Variants in NOC3L observed in about 807,000 individuals in gnomAD.
NOC3L encodes nucleolar complex protein 3 homolog.
In NOC3L, 85 loss-of-function variants were observed where a neutral mutation model predicts 102.5. The ratio of observed to expected loss-of-function variants is 0.83; its 90% confidence interval spans 0.70 to 0.99. The LOEUF (loss-of-function observed/expected upper bound fraction) is 0.99, where lower values mean the gene tolerates loss of function less well. Among genes scored for constraint, NOC3L ranks in the 50% least tolerant of loss-of-function variants. NOC3L has a pLI of 0.00. For missense variants in NOC3L, 878 were observed against 914.9 expected (o/e 0.96, Z 0.52); for synonymous variants, 303 against 309.4 (o/e 0.98, Z 0.22).
intron 5 of NOC3L, among the ~76,000 whole-genome samples, chr10:94,355,821 T>C (rs756914839): frequency 2.0e-5 from 3 of 152,160 alleles, no homozygotes; most frequent in Non-Finnish European, 2.9e-5. Context: ...ATATATTACT[T>C]TATACAAACT....
intron 20 of NOC3L, 127 bp downstream of exon 20, chr10:94,334,507 C>A: frequency 1.4e-6 from 1 of 711,394 alleles, no homozygotes; most frequent in Non-Finnish European, 2.3e-6. Context: ...AGAAATCCAT[C>A]CTATGATGAA....
In NOC3L at chr10:94,345,002, A is replaced by G. The variant is rs2054327328; in HGVS notation, c.1390-69T>C. 12 of 1,069,206 alleles carry G rather than the reference A, an allele frequency of 1.1e-5. No homozygotes were observed. In the South Asian group the frequency reaches 1.7e-4, roughly 16 times the overall value. 66.2% of individuals were successfully genotyped at this position (1,069,206 alleles called of 1,614,324 possible). ...AGAGTGAAAAAAGCAGAGGCAGAAT[A>G]CGTAAATGTCATAAAACACATACAG... On this transcript the variant is annotated intron_variant, in intron 11 of 20. Coordinates refer to ENST00000371361, the MANE Select transcript of NOC3L (RefSeq NM_022451.11).
intron 7 of NOC3L, among the ~76,000 whole-genome samples, chr10:94,352,647 C>A (rs2054433717): frequency 6.6e-6 from 1 of 152,046 alleles, no homozygotes; most frequent in South Asian, 2.1e-4. Flanking sequence ...CGTGGGGAAA[C>A]CCCGTCTCTA....
At chr10:94,355,425 TG>T (rs2054472167) in intron 5 of NOC3L, among the ~76,000 whole-genome samples, 1 of 151,692 alleles carries the variant, frequency 6.6e-6, no homozygotes, top group Non-Finnish European at 1.5e-5. Flanking sequence ...GGGTCTCACT[TG>T]GTCACCTAGG....
At chr10:94,345,925 C>T (rs576518369) in intron 11 of NOC3L, among the ~76,000 whole-genome samples, 9 of 152,014 alleles carry the variant, frequency 5.9e-5, no homozygotes, top group Non-Finnish European at 1.0e-4. Flanking sequence ...TTAACCTGCA[C>T]GATTACCCTG....
chr10:94,343,845 T>C (rs533298775), intron 13 of NOC3L, among the ~76,000 whole-genome samples: 2 of 152,334 alleles, frequency 1.3e-5, no homozygotes, highest in East Asian at 1.9e-4. Context: ...ATGTGGCTAA[T>C]AGAAAATTTT....
chr10:94,350,998 CTAT>C (rs1310152231), intron 8 of NOC3L, among the ~76,000 whole-genome samples: 1 of 151,682 alleles, frequency 6.6e-6, no homozygotes, highest in African/African-American at 2.4e-5. Context: ...ATATAATATA[CTAT>C]TAAAATTAAT....
At chr10:94,325,700 G>C in the NOC3L span, 1 of 152,124 alleles carries the variant, frequency 6.6e-6, no homozygotes, top group East Asian at 1.9e-4. Context: ...CTCCCAAGAA[G>C]TCAATCAACT....
At chr10:94,315,297 G>T in the NOC3L span, 1 of 419,228 alleles carries the variant, frequency 2.4e-6, no homozygotes, top group Non-Finnish European at 4.7e-6. Flanking sequence ...TTCGCTCTGG[G>T]CTTTGCCTTA....
chr10:94,326,932 G>A, the NOC3L span, among the ~76,000 whole-genome samples: 108 of 152,122 alleles, frequency 7.1e-4, no homozygotes, highest in Non-Finnish European at 1.1e-3. Context: ...AGGCCAAGGC[G>A]GGCAGATCAC....
chr10:94,346,167 TAAA>T (rs1413544346), intron 11 of NOC3L, among the ~76,000 whole-genome samples: 1 of 152,188 alleles, frequency 6.6e-6, no homozygotes, highest in Non-Finnish European at 1.5e-5. Context: ...TAAATTGATC[TAAA>T]AAGCCAAAGG....
At chr10:94,315,709 G>A in the NOC3L span, among the ~76,000 whole-genome samples, 1 of 148,834 alleles carries the variant, frequency 6.7e-6, no homozygotes, top group Non-Finnish European at 1.5e-5. Flanking sequence ...GGCGGAGGTT[G>A]CAGTGAGCCG....
chr10:94,345,446 A>G (rs1427911150), intron 11 of NOC3L, among the ~76,000 whole-genome samples: 2 of 152,140 alleles, frequency 1.3e-5, no homozygotes, highest in Non-Finnish European at 2.9e-5. Flanking sequence ...TCAATAAAAT[A>G]TCCTTTTTTT....
the NOC3L span, among the ~76,000 whole-genome samples, chr10:94,315,967 G>C: frequency 2.0e-5 from 3 of 151,928 alleles, no homozygotes; most frequent in African/African-American, 7.3e-5. Context: ...ATTAAAGGCA[G>C]ACCTCAGACT....
At chr10:94,350,716 C>CAAA (rs201167962) in intron 8 of NOC3L, among the ~76,000 whole-genome samples, 25 of 62,290 alleles carry the variant, frequency 4.0e-4, no homozygotes, top group South Asian at 1.1e-3. Flanking sequence ...GACATCGTCT[C>CAAA]AAAAAAAAAA....
At position 94,350,231 on chromosome 10, in the gene NOC3L, C is replaced by T. The variant is rs749860528; in HGVS notation, c.1010G>A (p.Gly337Glu). The change falls in exon 9 of 21, where the codon GGA becomes GAA. Residue 337 changes from glycine to glutamate, a missense_variant. Coordinates refer to ENST00000371361, the MANE Select transcript of NOC3L (RefSeq NM_022451.11). ...SNVVSLKAYKGLAEVAVKSLC... is the reference protein window; with the variant it reads ...SNVVSLKAYKELAEVAVKSLC... ...GCTCTTCACAGCGACTTCTGCCAGT[C>T]CTTTGTATGCCTTTAAGGAAACTAC... The T allele has an allele frequency of 2.5e-6, 4 of 1,614,176 alleles. No individual in the cohort carries two copies. Among genetic ancestry groups the T allele is most frequent in the South Asian group, 1.1e-5 (1 of 91,084 alleles).
chr10:94,352,939 G>A lies in NOC3L; in HGVS notation c.815C>T (p.Ser272Leu). The change falls in exon 7 of 21, where the codon TCA becomes TTA. Residue 272 changes from serine (S) to leucine (L), a missense_variant. Ser to Leu is a moderately radical substitution (Grantham distance 145). Transcript: ENST00000371361. ...TTCTGTGAGGGGCCGGATTTTATAT[G>A]AAGGAGTAATATCTTTAAATAACTC... ...LMELFKDITP[S>L]YKIRPLTEAE... 6.2e-7 allele frequency: 1 copy of A among 1,613,692 alleles called. No homozygotes were observed. Among genetic ancestry groups the A allele is most frequent in the Non-Finnish European group, 8.5e-7 (1 of 1,179,692 alleles).
downstream of NOC3L, chr10:94,332,684 TA>T: frequency 6.6e-6 from 1 of 152,318 alleles, no homozygotes; most frequent in Middle Eastern, 3.4e-3. Context: ...ACAAGAAAAT[TA>T]AAGGCATAAT....
At chr10:94,336,063 A>G (rs928076726) in intron 19 of NOC3L, among the ~76,000 whole-genome samples, 1 of 152,176 alleles carries the variant, frequency 6.6e-6, no homozygotes, top group Non-Finnish European at 1.5e-5. Flanking sequence ...TTTATATCCT[A>G]CTGCTCAAGG....
Sources: gnomAD v4.1 joint callset for allele counts (sites outside exome capture counted in the v4.1 genomes callset) on GRCh38, gnomAD v4.1.1 for gene constraint, MANE v1.5 for transcripts, NCBI Gene and HGNC (gene_info 2026-07-23, HGNC 2026-07-21) for gene names.